Variants in KCNN1 observed in about 807,000 individuals in gnomAD.
KCNN1 encodes potassium calcium-activated channel subfamily N member 1.
KCNN1 carries 20 observed loss-of-function variants against 44.7 expected under a neutral mutation model. The ratio of observed to expected loss-of-function variants is 0.45; its 90% confidence interval spans 0.32 to 0.65. The LOEUF is 0.65. Ranked by LOEUF, KCNN1 falls within the 30% of genes least tolerant of loss-of-function variation. The pLI is 0.05. For synonymous variants in KCNN1, 324 were observed against 341.7 expected, an observed-to-expected ratio of 0.95 and a Z score of 0.57; for missense variants, 632 against 785.3, an observed-to-expected ratio of 0.80 and a Z score of 2.33.
chr19:17,975,011 G>T, intron 2 of KCNN1, 81 bp from the exon 3 acceptor site: 1 of 1,083,304 alleles, frequency 9.2e-7, no homozygotes, highest in South Asian at 1.3e-5. Context: ...TCCCATGCCC[G>T]GGAGCCAGGG....
chr19:17,957,029 C>T (rs1238250371), intron 2 of KCNN1, among the ~76,000 whole-genome samples: 8 of 145,906 alleles, frequency 5.5e-5, no homozygotes, highest in East Asian at 2.0e-4. Context: ...TCCAGCCTGG[C>T]GACAAAGCGA....
intron 1 of KCNN1, among the ~76,000 whole-genome samples, chr19:17,954,389 G>T (rs143988487): frequency 6.6e-6 from 1 of 151,464 alleles, no homozygotes; most frequent in African/African-American, 2.4e-5. Context: ...CCCTGGAGGC[G>T]GCAGTTGCAG....
intron 2 of KCNN1, among the ~76,000 whole-genome samples, chr19:17,960,141 A>G (rs1328229417): frequency 6.6e-6 from 1 of 152,156 alleles, no homozygotes; most frequent in African/African-American, 2.4e-5. Context: ...TAGTTCAGGT[A>G]ATGGTCAGGC....
chr19:17,990,481 CAAA>C (rs539345774), intron 7 of KCNN1, among the ~76,000 whole-genome samples: 1 of 94,696 alleles, frequency 1.1e-5, no homozygotes. Flanking sequence ...GACCTTGTCT[CAAA>C]AAAAAAAAAA....
Position 17,993,620 on chromosome 19 carries a change from T to C in KCNN1, c.1377+61T>C, listed in dbSNP as rs2032878610. 7.5e-7 allele frequency: 1 copy of C among 1,340,890 alleles called. No homozygotes were observed. Among genetic ancestry groups the C allele is most frequent in the Admixed American group, 1.7e-5 (1 of 58,802 alleles). The allele number at this position is 1,340,890 out of a possible 1,614,324, so 83.1% of individuals were successfully genotyped here. On this transcript the variant is annotated intron_variant, in intron 9 of 9. Coordinates refer to ENST00000684775, the MANE Select transcript of KCNN1 (RefSeq NM_001386974.1). This position sits in a 1 kb window ranked among gnomAD's most constrained non-coding sequence, Gnocchi z 4.5. Reference sequence around the variant, plus strand: ...AGGTGGGGCCCCGGAGCAGATGGGATGGGGCTCAGCTCCTGCCGGAGGAGG... The same window carrying C: ...AGGTGGGGCCCCGGAGCAGATGGGACGGGGCTCAGCTCCTGCCGGAGGAGG...
At chr19:17,982,674 A>C (rs570221181) in intron 4 of KCNN1, 2 of 865,350 alleles carry the variant, frequency 2.3e-6, no homozygotes, top group African/African-American at 3.6e-5. Flanking sequence ...AGCTGCCGCA[A>C]GGGGAGGGAG....
At chr19:17,985,517 C>G (rs1297786519) in intron 5 of KCNN1, 64 bp downstream of exon 5, 18 of 1,437,746 alleles carry the variant, frequency 1.3e-5, no homozygotes, top group Non-Finnish European at 1.5e-5. Context: ...TCCACCAGCC[C>G]TTGCATACCC....
At chr19:17,968,855 G>A (rs1233163566) in intron 1 of KCNN1, among the ~76,000 whole-genome samples, 1 of 152,126 alleles carries the variant, frequency 6.6e-6, no homozygotes, top group Non-Finnish European at 1.5e-5. Flanking sequence ...AATACACCCC[G>A]TAGGATGTTT....
Position 17,967,130 on chromosome 19 carries a change from C to G in KCNN1, c.-269C>G, listed in dbSNP as rs2031837966. Reference sequence around the variant, plus strand: ...GCGGGCGCTCGCCCCCCGCCGGGCCCGTGGACTGGGCGGCGGGGGATGCGC... The same window carrying G: ...GCGGGCGCTCGCCCCCCGCCGGGCCGGTGGACTGGGCGGCGGGGGATGCGC... On this transcript the variant is annotated 5_prime_UTR_variant, in exon 1 of 10. Transcript: ENST00000684775. The G allele has an allele frequency of 4.1e-6, 4 of 976,382 alleles. No homozygotes were observed. Among genetic ancestry groups the G allele is most frequent in the Non-Finnish European group, 4.9e-6 (4 of 824,120 alleles). 60.5% of individuals were successfully genotyped at this position (976,382 alleles called of 1,614,324 possible).
At position 17,967,425 on chromosome 19, in the gene KCNN1, A is replaced by G. The variant is rs557915797; in HGVS notation, c.-82+108A>G. 3.1e-5 allele frequency: 15 copies of G among 490,092 alleles called. No individual in the cohort carries two copies. The East Asian group carries it at 1.1e-3, about 35-fold the overall frequency. 30.4% of individuals were successfully genotyped at this position (490,092 alleles called of 1,614,324 possible). On this transcript the variant is annotated intron_variant, in intron 1 of 9. Transcript: ENST00000684775. ...GGGGACGCGGTTTGGGGCAGGGGCC[A>G]AGAGGGAGGGTCTCCGTGCGGTCCG... is the stretch of plus-strand genomic sequence containing the variant.
intron 3 of KCNN1, among the ~76,000 whole-genome samples, chr19:17,975,915 G>C (rs929200808): frequency 5.9e-5 from 9 of 152,202 alleles, no homozygotes; most frequent in African/African-American, 2.2e-4. Flanking sequence ...ATATTGCCCA[G>C]GCTGGCCTCA....
rs887058292 is a variant in KCNN1 at position 17,999,639 on chromosome 19, A to T, written c.*1233A>T. The T allele has an allele frequency of 9.2e-6, 2 of 216,524 alleles. No homozygotes were observed. Among genetic ancestry groups the T allele is most frequent in the East Asian group, 2.3e-4 (2 of 8,756 alleles). The allele number at this position is 216,524 out of a possible 1,614,324, so 13.4% of individuals were successfully genotyped here. ...AGGGGAGGGTTCCAGACACAAGTAG[A>T]ATCAGAAAGGTCCCTGGAGGCCATG... is the stretch of plus-strand genomic sequence containing the variant. On this transcript the variant is annotated 3_prime_UTR_variant, in exon 10 of 10. Transcript: ENST00000684775.
rs1421245956 is a variant in KCNN1, at chr19:17,982,027, G to C, written c.817G>C (p.Val273Leu). The stretch of plus-strand genomic sequence containing the variant: ...CAAGATCACCTTCAACACGCGCTTC[G>C]TCATGAAGACACTCATGACCATCTG... ...LNKITFNTRFVMKTLMTICPG... is the reference protein window; with the variant it reads ...LNKITFNTRFLMKTLMTICPG... Residue 273 changes from valine (V) to leucine (L), a missense_variant, in exon 4 of 10, where the codon GTC becomes CTC. By Grantham distance (32) the Val-to-Leu change is conservative. Coordinates refer to ENST00000684775, the MANE Select transcript of KCNN1 (RefSeq NM_001386974.1). 4 of 1,609,836 alleles carry C rather than the reference G, an allele frequency of 2.5e-6. No homozygotes were observed. Among genetic ancestry groups the C allele is most frequent in the South Asian group, 1.1e-5 (1 of 90,076 alleles).
Position 17,981,632 on chromosome 19 carries a change from T to TG in KCNN1, c.499-72dup, listed in dbSNP as rs2032410780. 2.2e-6 allele frequency: 3 copies of TG among 1,341,828 alleles called. No individual in the cohort carries two copies. The East Asian group carries it at 7.5e-5, about 33-fold the overall frequency. 83.1% of individuals were successfully genotyped at this position (1,341,828 alleles called of 1,614,324 possible). On this transcript the variant is annotated intron_variant, in intron 3 of 9. Transcript: ENST00000684775. ...TTCAGGCCAGGCTGACGTCACTCTC[T>TG]GGGGGCGCGGTGGGGCTGGGCAGGG...
chr19:17,966,820 G>A (rs2031822478), upstream of KCNN1, among the ~76,000 whole-genome samples: 1 of 152,018 alleles, frequency 6.6e-6, no homozygotes, highest in Admixed American at 6.6e-5. Context: ...GGTTGACAGA[G>A]CGGCTGAAGT....
At chr19:17,986,893 G>A (rs866726707) in intron 5 of KCNN1, among the ~76,000 whole-genome samples, 1 of 151,478 alleles carries the variant, frequency 6.6e-6, no homozygotes, top group Non-Finnish European at 1.5e-5. Context: ...TGCAACCTCC[G>A]CCTCCCGGGT....
intron 1 of KCNN1, among the ~76,000 whole-genome samples, chr19:17,953,607 G>T (rs1387342445): frequency 6.6e-6 from 1 of 152,228 alleles, no homozygotes; most frequent in Non-Finnish European, 1.5e-5. Flanking sequence ...CGCCAAGGGA[G>T]CTACAGGCTC....
intron 5 of KCNN1, among the ~76,000 whole-genome samples, chr19:17,987,770 G>A (rs1167987855): frequency 2.0e-5 from 3 of 149,994 alleles, no homozygotes; most frequent in African/African-American, 7.4e-5. Context: ...GCCGAGGTGG[G>A]TGGATCATTT....
chr19:17,960,951 CA>C (rs1723343417), intron 2 of KCNN1, among the ~76,000 whole-genome samples: 1 of 151,930 alleles, frequency 6.6e-6, no homozygotes. Flanking sequence ...TTGGGTGGGC[CA>C]AAGCAGGTAG....
Sources: allele counts gnomAD v4.1 joint callset (sites outside exome capture counted in the v4.1 genomes callset), GRCh38; gene constraint gnomAD v4.1.1; non-coding constraint Gnocchi (gnomAD v3.1); transcripts MANE v1.5; gene names NCBI Gene and HGNC (gene_info 2026-07-23, HGNC 2026-07-21).